The following NALF1 variants were observed in gnomAD, a reference collection of about 807,000 sequenced individuals.
The protein encoded by NALF1 is family with sequence similarity 155 member A.
In NALF1, 3 loss-of-function variants were observed where a neutral mutation model predicts 48.4. The observed-to-expected ratio is 0.06, with a 90% confidence interval of 0.03 to 0.16. NALF1 has a LOEUF of 0.16. Among genes scored for constraint, NALF1 ranks in the 10% least tolerant of loss-of-function variants. The pLI, the probability that NALF1 is intolerant of heterozygous loss-of-function variation, is 1.00. For missense variants in NALF1, 526 were observed against 571.5 expected (o/e 0.92, Z 0.81); for synonymous variants, 262 against 245.7 (o/e 1.07, Z -0.62).
intron 1 of NALF1, among the ~76,000 whole-genome samples, chr13:107,650,348 T>C (rs1880421103): frequency 7.3e-6 from 1 of 137,716 alleles, no homozygotes; most frequent in Non-Finnish European, 1.5e-5. Context: ...CAAAATCAGA[T>C]GTTCTTGGCC....
At chr13:107,567,567 A>C (rs1266507534) in intron 1 of NALF1, among the ~76,000 whole-genome samples, 2 of 152,222 alleles carry the variant, frequency 1.3e-5, no homozygotes, top group Non-Finnish European at 2.9e-5. Flanking sequence ...CTAAGGTAAA[A>C]TTCAAAACCA....
At chr13:107,674,283 C>T (rs1215369850) in intron 1 of NALF1, among the ~76,000 whole-genome samples, 2 of 152,140 alleles carry the variant, frequency 1.3e-5, no homozygotes, top group African/African-American at 2.4e-5. Context: ...CCAAAATCTG[C>T]ATTATAGTAA....
At chr13:107,443,139 C>A (rs1247532152) in intron 1 of NALF1, among the ~76,000 whole-genome samples, 2 of 151,966 alleles carry the variant, frequency 1.3e-5, no homozygotes, top group Non-Finnish European at 2.9e-5. Context: ...AGAAACATTA[C>A]AACATAAATT....
chr13:107,664,585 T>A (rs1010935704), intron 1 of NALF1, among the ~76,000 whole-genome samples: 2 of 152,202 alleles, frequency 1.3e-5, no homozygotes, highest in Non-Finnish European at 2.9e-5. Context: ...TATGAACCTC[T>A]GTCCCATCAT....
intron 1 of NALF1, among the ~76,000 whole-genome samples, chr13:107,426,834 CAATT>C (rs1317531429): frequency 2.0e-5 from 3 of 151,960 alleles, no homozygotes; most frequent in South Asian, 2.1e-4. Flanking sequence ...TGGAAAAACT[CAATT>C]GATGGTATCA....
intron 1 of NALF1, among the ~76,000 whole-genome samples, chr13:107,287,014 A>T (rs1185060473): frequency 6.6e-6 from 1 of 152,238 alleles, no homozygotes; most frequent in Non-Finnish European, 1.5e-5. Context: ...TGCCACTAAC[A>T]TAACTGCTCA....
At chr13:107,511,227 C>G (rs1305190918) in intron 1 of NALF1, among the ~76,000 whole-genome samples, 1 of 152,170 alleles carries the variant, frequency 6.6e-6, no homozygotes, top group Non-Finnish European at 1.5e-5. Context: ...AAGCAAGTCT[C>G]AAATCCGACT....
At chr13:107,217,955 C>A (rs1010922210) in intron 1 of NALF1, among the ~76,000 whole-genome samples, 3 of 152,130 alleles carry the variant, frequency 2.0e-5, no homozygotes, top group Admixed American at 2.0e-4. Flanking sequence ...TAATTCAGCA[C>A]CCCACCCCAT....
intron 1 of NALF1, among the ~76,000 whole-genome samples, chr13:107,477,095 T>C (rs191492912): frequency 2.5e-3 from 386 of 152,198 alleles, no homozygotes; most frequent in African/African-American, 9.0e-3. Flanking sequence ...TTCTGAAAAA[T>C]AGAAATTTGT....
chr13:107,694,385 C>T (rs1308126720), intron 1 of NALF1, among the ~76,000 whole-genome samples: 2 of 152,036 alleles, frequency 1.3e-5, no homozygotes, highest in Non-Finnish European at 2.9e-5. Context: ...GCTGCATTTG[C>T]TTCTGCTCTC....
intron 1 of NALF1, among the ~76,000 whole-genome samples, chr13:107,541,803 T>C (rs1054983034): frequency 8.5e-5 from 13 of 152,138 alleles, no homozygotes; most frequent in African/African-American, 3.1e-4. Flanking sequence ...TGAACCTCTA[T>C]TCCTCAATGA....
chr13:107,469,964 C>T (rs998614908), intron 1 of NALF1, among the ~76,000 whole-genome samples: 35 of 151,620 alleles, frequency 2.3e-4, no homozygotes, highest in South Asian at 4.2e-4. Flanking sequence ...AGGATGGTCT[C>T]GATCTCCTGA....
At chr13:107,816,736 G>C (rs1323039697) in intron 1 of NALF1, among the ~76,000 whole-genome samples, 2 of 151,910 alleles carry the variant, frequency 1.3e-5, no homozygotes, top group South Asian at 2.1e-4. Flanking sequence ...GAACTATTGC[G>C]TATTGCATTA....
At chr13:107,449,010 G>A (rs202223213) in intron 1 of NALF1, among the ~76,000 whole-genome samples, 174 of 152,242 alleles carry the variant, frequency 1.1e-3, no homozygotes, top group Non-Finnish European at 2.1e-3. Context: ...TTGGGAGGCC[G>A]AGGCGGGCGG....
intron 1 of NALF1, among the ~76,000 whole-genome samples, chr13:107,577,467 A>AT (rs1298461172): frequency 1.7e-5 from 2 of 114,658 alleles, no homozygotes; most frequent in Non-Finnish European, 1.8e-5. Context: ...AGAAAGCTAG[A>AT]TATCTGCAAT....
At chr13:107,636,074 C>A (rs4772897) in intron 1 of NALF1, among the ~76,000 whole-genome samples, 87,400 of 151,860 alleles carry the variant, frequency 0.58, 27,734 homozygotes, top group East Asian at 0.99. Context: ...GCTTTTGCCA[C>A]TAGAAGTAAT....
intron 1 of NALF1, among the ~76,000 whole-genome samples, chr13:107,864,429 C>CA (rs1304425626): frequency 2.0e-5 from 3 of 152,262 alleles, no homozygotes; most frequent in African/African-American, 2.4e-5. Context: ...GTTCTTTTAT[C>CA]AAAAAAATCA....
chr13:107,708,558 G>A (rs1875472075), intron 1 of NALF1, among the ~76,000 whole-genome samples: 1 of 129,842 alleles, frequency 7.7e-6, no homozygotes, highest in Non-Finnish European at 1.7e-5. Context: ...GTCTCACTGT[G>A]GTTTAAAGAA....
chr13:107,710,884 TAC>T (rs1401836605), intron 1 of NALF1, among the ~76,000 whole-genome samples: 3 of 151,192 alleles, frequency 2.0e-5, no homozygotes, highest in Admixed American at 6.6e-5. Context: ...TACACATATA[TAC>T]ACACAGACAC....
Sources: gnomAD v4.1 joint callset for allele counts (sites outside exome capture counted in the v4.1 genomes callset) on GRCh38, gnomAD v4.1.1 for gene constraint, MANE v1.5 for transcripts, NCBI Gene and HGNC (gene_info 2026-07-23, HGNC 2026-07-21) for gene names.